RAP1GAP2: variants seen among roughly 807,000 people sequenced by gnomAD.
The protein encoded by RAP1GAP2 is RAP1 GTPase activating protein 2.
A neutral mutation model predicts 95.0 loss-of-function variants in RAP1GAP2; 27 were observed. The observed-to-expected ratio is 0.28, with a 90% CI of 0.21 to 0.39. RAP1GAP2 has a LOEUF of 0.39. RAP1GAP2 is among the 10% of genes least tolerant of loss of function. The pLI is 1.00. For synonymous variants in RAP1GAP2, 373 were observed against 380.9 expected, an observed-to-expected ratio of 0.98 and a Z score of 0.24; for missense variants, 771 against 970.0, an observed-to-expected ratio of 0.79 and a Z score of 2.72.
At chr17:3,018,994 G>A (rs2046869045) in intron 18 of RAP1GAP2, among the ~76,000 whole-genome samples, 2 of 152,176 alleles carry the variant, frequency 1.3e-5, no homozygotes, top group African/African-American at 2.4e-5. Flanking sequence ...CCTGGGAGGT[G>A]GAACTTGCAG....
In RAP1GAP2 at chr17:2,963,216, A is replaced by G. The variant is rs2044418687; in HGVS notation, c.247-214A>G. ...GTTCAGCACCTTCGGACACTGCATC[A>G]TCAGCTGGCAGGGTTTATGTTTGGG... On this transcript the variant is annotated intron_variant, in intron 5 of 24. Coordinates refer to ENST00000254695, the MANE Select transcript of RAP1GAP2 (RefSeq NM_015085.5). The surrounding 1 kb of genome is among the most constrained non-coding windows in gnomAD (Gnocchi z 4.8). The G allele has an allele frequency of 1.6e-6, 1 of 630,896 alleles. No homozygotes were observed. Among genetic ancestry groups the G allele is most frequent in the Non-Finnish European group, 2.8e-6 (1 of 351,094 alleles). The allele number at this position is 630,896 out of a possible 1,614,324, so 39.1% of individuals were successfully genotyped here.
intron 16 of RAP1GAP2, among the ~76,000 whole-genome samples, chr17:3,007,047 A>T (rs1037730383): frequency 6.6e-6 from 1 of 152,012 alleles, no homozygotes; most frequent in African/African-American, 2.4e-5. Flanking sequence ...AGGAGGAAAG[A>T]GTGGGGAAGG....
chr17:2,951,420 C>A (rs931794811), intron 3 of RAP1GAP2, among the ~76,000 whole-genome samples: 1 of 152,208 alleles, frequency 6.6e-6, no homozygotes, highest in Non-Finnish European at 1.5e-5. Flanking sequence ...ATGCTTCTCT[C>A]TTCAAGAGGT....
In RAP1GAP2 at chr17:3,027,125, G is replaced by C. The variant is rs1463734153; in HGVS notation, c.2107+55G>C. On this transcript the variant is annotated intron_variant, in intron 22 of 24. Transcript: ENST00000254695. This position sits in a 1 kb window ranked among gnomAD's most constrained non-coding sequence, Gnocchi z 5.2. Reference sequence around the variant, plus strand: ...TCACCAGGAGGGCAGGCTGTGCCCTGTCCACTGTTAGCAGGGCCCCAGCCA... The same window carrying C: ...TCACCAGGAGGGCAGGCTGTGCCCTCTCCACTGTTAGCAGGGCCCCAGCCA... 1 of 1,513,818 alleles carries C rather than the reference G, an allele frequency of 6.6e-7. No individual in the cohort carries two copies. Among genetic ancestry groups the C allele is most frequent in the African/African-American group, 1.4e-5 (1 of 72,556 alleles). 93.8% of individuals were successfully genotyped at this position (1,513,818 alleles called of 1,614,324 possible). A position where few individuals can be genotyped will look rare whatever the true frequency, so the allele number is the denominator to read the frequency against.
intron 2 of RAP1GAP2, among the ~76,000 whole-genome samples, chr17:2,820,903 T>TTTTTTTTG (rs1567678183): frequency 6.9e-6 from 1 of 145,868 alleles, no homozygotes; most frequent in African/African-American, 2.6e-5. Flanking sequence ...TTTTTTTTTT[T>TTTTTTTTG]TTTTTTGTAT....
intron 3 of RAP1GAP2, among the ~76,000 whole-genome samples, chr17:2,913,293 C>CT (rs1387658970): frequency 5.3e-5 from 8 of 149,708 alleles, no homozygotes; most frequent in African/African-American, 1.5e-4. Flanking sequence ...TAATTCTGTT[C>CT]TCTTTTTTTT....
At chr17:2,779,014 C>T (rs991482535) in intron 1 of RAP1GAP2, among the ~76,000 whole-genome samples, 4 of 152,324 alleles carry the variant, frequency 2.6e-5, no homozygotes, top group African/African-American at 7.2e-5. Flanking sequence ...ATGTGTGGGG[C>T]TCAAGTGGTT....
At chr17:2,974,264 G>GCGTGAACC (rs1380933418) in intron 8 of RAP1GAP2, among the ~76,000 whole-genome samples, 1 of 151,802 alleles carries the variant, frequency 6.6e-6, no homozygotes, top group African/African-American at 2.4e-5. Flanking sequence ...CAGGAGAATG[G>GCGTGAACC]CGTGAACCCA....
At chr17:2,818,603 C>A (rs1308814882) in intron 2 of RAP1GAP2, among the ~76,000 whole-genome samples, 1 of 152,148 alleles carries the variant, frequency 6.6e-6, no homozygotes, top group Non-Finnish European at 1.5e-5. Context: ...TTTGGGATTG[C>A]AGGTGTGAGC....
chr17:2,833,524 A>T (rs1043930603), intron 2 of RAP1GAP2, among the ~76,000 whole-genome samples: 1 of 151,806 alleles, frequency 6.6e-6, no homozygotes, highest in African/African-American at 2.4e-5. Flanking sequence ...CCCCGTTTCT[A>T]CTAAAAATAC....
chr17:2,799,615 A>T (rs567226219), intron 1 of RAP1GAP2, among the ~76,000 whole-genome samples: 7 of 152,294 alleles, frequency 4.6e-5, no homozygotes, highest in African/African-American at 1.7e-4. Context: ...GGTGACACTG[A>T]TGATGACATG....
rs996442366 is a variant in RAP1GAP2 at position 2,896,734 on chromosome 17, C to T, written c.81-8550C>T. Among the ~76,000 whole-genome samples, 14 of 152,314 alleles carry T rather than the reference C, an allele frequency of 9.2e-5. No individual in the cohort carries two copies. The South Asian group carries it at 1.0e-3, about 11-fold the overall frequency. Reference sequence around the variant, plus strand: ...TCTGCCCGTAGGGTCCTGTTCCTCCCGCCTCCTGCCCTTTTTCCTAGCCCT... The same window carrying T: ...TCTGCCCGTAGGGTCCTGTTCCTCCTGCCTCCTGCCCTTTTTCCTAGCCCT... On this transcript the variant is annotated intron_variant, in intron 2 of 24. Coordinates refer to ENST00000254695, the MANE Select transcript of RAP1GAP2 (RefSeq NM_015085.5).
At chr17:3,022,412 GTA>G (rs1363872809) in intron 19 of RAP1GAP2, among the ~76,000 whole-genome samples, 2 of 152,142 alleles carry the variant, frequency 1.3e-5, no homozygotes, top group African/African-American at 4.8e-5. Flanking sequence ...CCGCTCCTCG[GTA>G]TATACCCAAG....
At chr17:2,805,434 C>T (rs900953639) in intron 2 of RAP1GAP2, among the ~76,000 whole-genome samples, 5 of 152,162 alleles carry the variant, frequency 3.3e-5, no homozygotes, top group African/African-American at 1.2e-4. Context: ...CGGCTCACTG[C>T]AACCTCCGTC....
Position 2,965,620 on chromosome 17 carries a change from C to G in RAP1GAP2, c.573C>G (p.Ile191Met). 2 of 1,610,640 alleles carry G rather than the reference C, an allele frequency of 1.2e-6. No homozygotes were observed. Among genetic ancestry groups the G allele is most frequent in the Non-Finnish European group, 1.7e-6 (2 of 1,178,634 alleles). Residue 191 changes from isoleucine (I) to methionine (M), a missense_variant, in exon 8 of 25, where the codon ATC becomes ATG. By Grantham distance (10) the Ile-to-Met change is conservative (BLOSUM62 1). Transcript: ENST00000254695. The surrounding 1 kb of genome is among the most constrained non-coding windows in gnomAD (Gnocchi z 4.7). ...TCAAGTGCGAGGAAGCAGAGGGGAT[C>G]GAGTACCTCCGGGTCATCCTTAGGT... is the stretch of plus-strand genomic sequence containing the variant. ...LSVKCEEAEGIEYLRVILRSK... is the reference protein window; with the variant it reads ...LSVKCEEAEGMEYLRVILRSK...
At chr17:2,780,035 C>G (rs1054866005) in intron 1 of RAP1GAP2, among the ~76,000 whole-genome samples, 2 of 152,072 alleles carry the variant, frequency 1.3e-5, no homozygotes, top group Non-Finnish European at 2.9e-5. Flanking sequence ...GTTCGTGGTA[C>G]AGCATCCACA....
At chr17:2,980,228 T>A (rs940960811) in intron 8 of RAP1GAP2, 59 bp from the exon 9 acceptor site, 2 of 1,545,812 alleles carry the variant, frequency 1.3e-6, no homozygotes, top group South Asian at 2.3e-5. Flanking sequence ...CAGGCACGAG[T>A]CCCCGCGCCC....
rs1398212286 is a variant in RAP1GAP2 at position 2,870,211 on chromosome 17, G to A, written c.81-35073G>A. Among the ~76,000 whole-genome samples the A allele has an allele frequency of 1.3e-5, 2 of 151,476 alleles. No individual in the cohort carries two copies. Among genetic ancestry groups the A allele is most frequent in the African/African-American group, 4.9e-5 (2 of 41,164 alleles). On this transcript the variant is annotated intron_variant, in intron 2 of 24. Transcript: ENST00000254695. This position sits in a 1 kb window ranked among gnomAD's most constrained non-coding sequence, Gnocchi z 4.4. ...CGGCTCACTGTAACCTCCCTCCCAA[G>A]TTCAAGTGATTCTCCTTGCCTTAGC... is the stretch of plus-strand genomic sequence containing the variant.
chr17:2,803,161 T>C (rs1426871567), intron 2 of RAP1GAP2, among the ~76,000 whole-genome samples: 3 of 152,024 alleles, frequency 2.0e-5, no homozygotes, highest in Non-Finnish European at 2.9e-5. Context: ...GTGCACCAGT[T>C]ATAGGGTAGA....
Sources: allele counts gnomAD v4.1 joint callset (sites outside exome capture counted in the v4.1 genomes callset), GRCh38; gene constraint gnomAD v4.1.1; non-coding constraint Gnocchi (gnomAD v3.1); transcripts MANE v1.5; gene names NCBI Gene and HGNC (gene_info 2026-07-23, HGNC 2026-07-21).